HSF2BP: variants seen among roughly 807,000 people sequenced by gnomAD.
HSF2BP encodes the protein heat shock transcription factor 2 binding protein.
HSF2BP carries 35 observed loss-of-function variants against 35.0 expected under a neutral mutation model. The observed-to-expected ratio is 1.00, with a 90% CI of 0.76 to 1.32. The LOEUF (loss-of-function observed/expected upper bound fraction) is 1.32. Ranked by LOEUF, HSF2BP falls within the 40% of genes most tolerant of loss-of-function variation. HSF2BP has a pLI of 0.00. For synonymous variants in HSF2BP, 114 were observed against 117.4 expected (o/e 0.97, Z 0.18); for missense variants, 326 against 321.7 (o/e 1.01, Z -0.10).
rs923340430 is a variant in HSF2BP, at chr21:43,659,435, C to T, written c.-274G>A. On this transcript the variant is annotated 5_prime_UTR_variant, in exon 1 of 9. Coordinates refer to ENST00000291560, the MANE Select transcript of HSF2BP (RefSeq NM_007031.2). This position sits in a 1 kb window ranked among gnomAD's most constrained non-coding sequence, Gnocchi z 4.2. ...GGCAACCGAAAGGCAGCGCCGGCGC[C>T]ACGTGCACACGGGCTGGGCCGCTCC... 1.9e-5 allele frequency: 5 copies of T among 262,082 alleles called. No individual in the cohort carries two copies. The East Asian group carries it at 4.5e-4, about 23-fold the overall frequency. The allele number at this position is 262,082 out of a possible 1,614,324, so 16.2% of individuals were successfully genotyped here. A position where few individuals can be genotyped will look rare whatever the true frequency, so the allele number is the denominator to read the frequency against.
the HSF2BP span, among the ~76,000 whole-genome samples, chr21:43,496,258 G>A: frequency 1.3e-5 from 1 of 79,518 alleles, no homozygotes; most frequent in Non-Finnish European, 2.6e-5. Context: ...GCTAACAAAT[G>A]GCAACCCAAG....
intron 8 of HSF2BP, among the ~76,000 whole-genome samples, chr21:43,585,747 G>T (rs2081842039): frequency 1.3e-5 from 2 of 152,150 alleles, no homozygotes; most frequent in African/African-American, 4.8e-5. Flanking sequence ...ACTGAATGAG[G>T]GCGTAAGAGA....
At chr21:43,599,727 G>A (rs1261285939) in intron 7 of HSF2BP, among the ~76,000 whole-genome samples, 1 of 152,020 alleles carries the variant, frequency 6.6e-6, no homozygotes, top group Non-Finnish European at 1.5e-5. Context: ...CCGGGAGGCA[G>A]AGGTTGCAGC....
chr21:43,614,609 T>C (rs982192166), intron 6 of HSF2BP, among the ~76,000 whole-genome samples: 1 of 152,130 alleles, frequency 6.6e-6, no homozygotes, highest in African/African-American at 2.4e-5. Flanking sequence ...ACTGAGGATG[T>C]GAAAATTCAC....
At chr21:43,605,780 TCA>T (rs1271894196) in intron 7 of HSF2BP, among the ~76,000 whole-genome samples, 7 of 149,742 alleles carry the variant, frequency 4.7e-5, no homozygotes, top group African/African-American at 1.7e-4. Context: ...ACACATTCCC[TCA>T]CACTCACACC....
At chr21:43,645,257 T>C (rs1005273340) in intron 3 of HSF2BP, among the ~76,000 whole-genome samples, 1 of 152,196 alleles carries the variant, frequency 6.6e-6, no homozygotes, top group Non-Finnish European at 1.5e-5. Flanking sequence ...TCAGAATCCC[T>C]GGAGGACTTG....
intron 7 of HSF2BP, among the ~76,000 whole-genome samples, chr21:43,613,545 G>A (rs75701123): frequency 0.041 from 6,249 of 152,248 alleles, 444 homozygotes; most frequent in African/African-American, 0.14. Context: ...TTTAGTAGCT[G>A]GAAGACAGAT....
chr21:43,582,089 G>A (rs1397814913), intron 8 of HSF2BP, among the ~76,000 whole-genome samples: 1 of 127,810 alleles, frequency 7.8e-6, no homozygotes. Context: ...GGCCTGCTGT[G>A]GGAGATGAGG....
At chr21:43,603,384 G>A (rs903443285) in intron 7 of HSF2BP, among the ~76,000 whole-genome samples, 8 of 152,364 alleles carry the variant, frequency 5.3e-5, no homozygotes, top group South Asian at 2.1e-4. Context: ...AGGTGGTGAC[G>A]AAGGGGGACA....
At chr21:43,596,693 C>T (rs2081990906) in intron 7 of HSF2BP, among the ~76,000 whole-genome samples, 1 of 151,770 alleles carries the variant, frequency 6.6e-6, no homozygotes, top group South Asian at 2.1e-4. Context: ...AACAAGATCC[C>T]ATCTCTTCAT....
intron 6 of HSF2BP, among the ~76,000 whole-genome samples, chr21:43,626,053 G>A (rs549637172): frequency 4.6e-5 from 7 of 152,282 alleles, no homozygotes; most frequent in Non-Finnish European, 1.0e-4. Flanking sequence ...TTCAAACAAT[G>A]TTTTTAAAGG....
Position 43,573,660 on chromosome 21 carries a change from C to G in HSF2BP, c.796+18565G>C, listed in dbSNP as rs531531277. On this transcript the variant is annotated intron_variant, in intron 8 of 8. Coordinates refer to ENST00000291560, the MANE Select transcript of HSF2BP (RefSeq NM_007031.2). The stretch of plus-strand genomic sequence containing the variant: ...CCAGGACTTGGTCTCTGCCTTCTCC[C>G]TCACAGGGGACAGACAAACTGTGCT... 2.4e-3 allele frequency among the ~76,000 whole-genome samples: 359 copies of G among 152,324 alleles called. 2 individuals are homozygous for G. Among genetic ancestry groups the G allele is most frequent in the Non-Finnish European group, 3.2e-3 (220 of 68,036 alleles).
At chr21:43,592,416 G>A (rs886248184) in intron 7 of HSF2BP, 88 bp from the exon 8 acceptor site, 8 of 798,844 alleles carry the variant, frequency 1.0e-5, no homozygotes, top group South Asian at 6.1e-5. Context: ...GGAACTTAAC[G>A]TATTTAGAGC....
chr21:43,630,820 C>CA (rs566597341), intron 5 of HSF2BP, among the ~76,000 whole-genome samples: 39 of 145,872 alleles, frequency 2.7e-4, no homozygotes, highest in Admixed American at 1.4e-3. Context: ...TAACTTTTTT[C>CA]AAAAAAAAAA....
At chr21:43,626,256 A>G (rs1030375028) in intron 6 of HSF2BP, among the ~76,000 whole-genome samples, 2 of 152,248 alleles carry the variant, frequency 1.3e-5, no homozygotes, top group Non-Finnish European at 2.9e-5. Flanking sequence ...CAATAAAAGA[A>G]TAACACCAAA....
intron 7 of HSF2BP, among the ~76,000 whole-genome samples, chr21:43,599,638 A>G (rs1404361409): frequency 2.0e-5 from 3 of 151,996 alleles, no homozygotes; most frequent in Non-Finnish European, 2.9e-5. Flanking sequence ...TACTAAAAAT[A>G]CAAAACTTAG....
At chr21:43,651,624 CTA>C (rs113568948) in intron 3 of HSF2BP, among the ~76,000 whole-genome samples, 3,830 of 152,310 alleles carry the variant, frequency 0.025, 51 homozygotes, top group Middle Eastern at 0.065. Flanking sequence ...TAAAAACAAT[CTA>C]TGATTGTCTT....
intron 4 of HSF2BP, among the ~76,000 whole-genome samples, chr21:43,641,223 T>A (rs1361793987): frequency 6.6e-6 from 1 of 152,060 alleles, no homozygotes; most frequent in Non-Finnish European, 1.5e-5. Context: ...ATGGTCTCGA[T>A]CTCCTGACCT....
At chr21:43,618,731 T>C (rs1016978991) in intron 6 of HSF2BP, among the ~76,000 whole-genome samples, 2 of 149,384 alleles carry the variant, frequency 1.3e-5, no homozygotes, top group African/African-American at 4.9e-5. Flanking sequence ...GGTCAGGAGA[T>C]CAAGACCATC....
Sources: allele counts gnomAD v4.1 joint callset (sites outside exome capture counted in the v4.1 genomes callset), GRCh38; gene constraint gnomAD v4.1.1; non-coding constraint Gnocchi (gnomAD v3.1); transcripts MANE v1.5; gene names NCBI Gene and HGNC (gene_info 2026-07-23, HGNC 2026-07-21).